Variants in NCAPG2 observed in about 807,000 individuals in gnomAD.
The protein encoded by NCAPG2 is non-SMC condensin II complex subunit G2, also known as condensin-2 complex subunit G2.
In NCAPG2, 53 loss-of-function variants were observed where a neutral mutation model predicts 141.1. The observed-to-expected ratio is 0.38, with a 90% CI of 0.30 to 0.47. The LOEUF is 0.47. NCAPG2 is among the 20% of genes least tolerant of loss of function. NCAPG2 has a pLI of 0.99. For synonymous variants in NCAPG2, 499 were observed against 490.7 expected, an observed-to-expected ratio of 1.02 and a Z score of -0.22; for missense variants, 1,087 against 1,389.0, an observed-to-expected ratio of 0.78 and a Z score of 3.46.
chr7:158,646,499 C>G lies in NCAPG2; in HGVS notation c.3140G>C (p.Cys1047Ser), dbSNP rs759400197. The change falls in exon 25 of 28, where the codon TGT becomes TCT. Residue 1047 changes from cysteine (C) to serine (S), a missense_variant. By Grantham distance (112) the Cys-to-Ser change is moderately radical. Coordinates refer to ENST00000356309, the MANE Select transcript of NCAPG2 (RefSeq NM_017760.7). ...AGACTTTATTATTATTCCTATTAAA[C>G]ACCTTGAAAATGGTGGAAGATCAGA... ...HLSDLPPFSR[C>S]LIGIIIKSSN... The G allele has an allele frequency of 1.9e-6, 3 of 1,591,522 alleles. No individual in the cohort carries two copies. In the South Asian group the frequency reaches 3.5e-5, roughly 18 times the overall value.
At position 158,690,595 on chromosome 7, in the gene NCAPG2, T is replaced by C. The variant is rs1198051034; in HGVS notation, c.510A>G (p.Leu170=). 1 of 1,614,180 alleles carries C rather than the reference T, an allele frequency of 6.2e-7. No individual in the cohort carries two copies. The highest frequency in any genetic ancestry group is 2.2e-5 in the East Asian group (1 of 44,878). The change falls in exon 5 of 28, where the codon TTA becomes TTG. Residue 170 remains leucine, a synonymous_variant. Coordinates refer to ENST00000356309, the MANE Select transcript of NCAPG2 (RefSeq NM_017760.7). ...EDTGKTAFVM[L]LRRSLETKTG... ...TCTTAGTCTCCAGACTCCTCCTTAG[T>C]AACATGACAAAGGCTGTCTTTCCTG...
At chr7:158,695,527 A>G (rs1452434846) in intron 2 of NCAPG2, among the ~76,000 whole-genome samples, 1 of 152,208 alleles carries the variant, frequency 6.6e-6, no homozygotes, top group East Asian at 1.9e-4. Context: ...TGAGACACAC[A>G]CCCAGCTTCA....
In NCAPG2 at chr7:158,689,966, C is replaced by A; in HGVS notation, c.538-13G>T. On this transcript the variant is annotated splice_polypyrimidine_tract_variant and intron_variant, in intron 5 of 27. Transcript: ENST00000356309. ...ATACGTCTGCACCCTAGGAATGACA[C>A]AAAAAATGTGATACCTTTTTCAATG... 2 of 1,479,908 alleles carry A rather than the reference C, an allele frequency of 1.4e-6. No individual in the cohort carries two copies. The highest frequency in any genetic ancestry group is 2.9e-5 in the African/African-American group (2 of 69,064). The allele number at this position is 1,479,908 out of a possible 1,614,324, so 91.7% of individuals were successfully genotyped here.
chr7:158,662,723 C>T (rs1365498310), intron 15 of NCAPG2, among the ~76,000 whole-genome samples: 1 of 152,148 alleles, frequency 6.6e-6, no homozygotes, highest in African/African-American at 2.4e-5. Flanking sequence ...CATCACTTTT[C>T]ACCACAAATC....
rs767486697 is a variant in NCAPG2, at chr7:158,644,402, A to T, written c.3281-14T>A. 1.7e-5 allele frequency: 27 copies of T among 1,596,338 alleles called. No individual in the cohort carries two copies. Among genetic ancestry groups the T allele is most frequent in the Admixed American group, 5.0e-5 (3 of 59,982 alleles). ...TTTTATGTTTACCTGGGAAAATTAT[A>T]TTAAAAGACAGAAAAGACTTTAACA... On this transcript the variant is annotated splice_polypyrimidine_tract_variant and intron_variant, in intron 26 of 27. Coordinates refer to ENST00000356309, the MANE Select transcript of NCAPG2 (RefSeq NM_017760.7).
Position 158,646,573 on chromosome 7 carries a change from T to C in NCAPG2, c.3076-10A>G. ...CTTCTACGTCAGAAACCTAAAAAAG[T>C]TCCAAATCAGCAAGTTGTAAACAGA... On this transcript the variant is annotated splice_polypyrimidine_tract_variant and intron_variant, in intron 24 of 27. Transcript: ENST00000356309. 1 of 1,556,970 alleles carries C rather than the reference T, an allele frequency of 6.4e-7. No homozygotes were observed. Among genetic ancestry groups the C allele is most frequent in the Non-Finnish European group, 8.6e-7 (1 of 1,157,020 alleles).
chr7:158,666,511 C>T (rs1289084527), intron 13 of NCAPG2, among the ~76,000 whole-genome samples: 2 of 151,736 alleles, frequency 1.3e-5, no homozygotes, highest in Non-Finnish European at 2.9e-5. Flanking sequence ...AGGTAAGAAG[C>T]AGGCTTAGAG....
At chr7:158,700,362 A>G (rs546150212) in intron 2 of NCAPG2, among the ~76,000 whole-genome samples, 1 of 152,170 alleles carries the variant, frequency 6.6e-6, no homozygotes, top group Admixed American at 6.5e-5. Flanking sequence ...GAAACAACGC[A>G]CCCCAGAAGG....
chr7:158,657,624 G>A (rs962329630), intron 17 of NCAPG2, among the ~76,000 whole-genome samples: 3 of 152,206 alleles, frequency 2.0e-5, no homozygotes, highest in Non-Finnish European at 4.4e-5. Context: ...GAGCCCCTCT[G>A]CCTGGCCACC....
intron 1 of NCAPG2, chr7:158,702,489 G>C (rs1458740406): frequency 6.6e-6 from 1 of 152,250 alleles, no homozygotes; most frequent in Non-Finnish European, 1.5e-5. Flanking sequence ...CCACCCCTTC[G>C]GGATAATGAG....
intron 27 of NCAPG2, chr7:158,640,052 C>CAAAAAAAAAAAAAAAAAAAAAAAAA (rs58368997): frequency 1.0e-5 from 1 of 98,324 alleles, no homozygotes; most frequent in African/African-American, 3.9e-5. Context: ...GAATAAATGC[C>CAAAAAAAAAAAAAAAAAAAAAAAAA]AAAAAAAAAA....
Position 158,681,987 on chromosome 7 carries a change from C to A in NCAPG2, c.925-1171G>T, listed in dbSNP as rs536392393. ...AAATAAAAACAATTTGAGGAAGAAA[C>A]TATAATGTGTTATAAGTTGTGACAA... On this transcript the variant is annotated intron_variant, in intron 9 of 27. Coordinates refer to ENST00000356309, the MANE Select transcript of NCAPG2 (RefSeq NM_017760.7). 5.3e-5 allele frequency among the ~76,000 whole-genome samples: 8 copies of A among 152,200 alleles called. No individual in the cohort carries two copies. The East Asian group carries it at 1.5e-3, about 29-fold the overall frequency.
intron 2 of NCAPG2, among the ~76,000 whole-genome samples, chr7:158,698,146 T>C (rs1208915520): frequency 6.6e-6 from 1 of 152,222 alleles, no homozygotes; most frequent in Non-Finnish European, 1.5e-5. Flanking sequence ...AGATTTTTTG[T>C]AAAGCAAAAT....
chr7:158,687,268 A>C, intron 7 of NCAPG2, 80 bp downstream of exon 7: 1 of 917,248 alleles, frequency 1.1e-6, no homozygotes, highest in Non-Finnish European at 1.7e-6. Context: ...CCATTACTAT[A>C]ACTTAAGAAG....
At chr7:158,658,431 A>C in intron 16 of NCAPG2, 23 bp from the exon 17 acceptor site, 1 of 1,587,090 alleles carries the variant, frequency 6.3e-7, no homozygotes, top group Non-Finnish European at 8.6e-7. Context: ...AAAGAAAAAC[A>C]AAACAAAGCA....
intron 11 of NCAPG2, among the ~76,000 whole-genome samples, chr7:158,677,241 AAAG>A (rs1396449397): frequency 6.6e-6 from 1 of 152,186 alleles, no homozygotes; most frequent in Non-Finnish European, 1.5e-5. Context: ...CAGAAAAGCA[AAAG>A]AAGGAAGAGC....
intron 16 of NCAPG2, among the ~76,000 whole-genome samples, chr7:158,659,442 G>T (rs1832304893): frequency 1.5e-5 from 2 of 130,086 alleles, no homozygotes; most frequent in South Asian, 4.5e-4. Context: ...GAGGAGAGGA[G>T]TTAAGCTCTC....
chr7:158,671,419 C>T lies in NCAPG2; in HGVS notation c.1479+95G>A, dbSNP rs1434910657. 3.6e-5 allele frequency: 50 copies of T among 1,405,382 alleles called. 1 individual carries two copies. The Admixed American group carries it at 8.1e-4, about 23-fold the overall frequency. The allele number at this position is 1,405,382 out of a possible 1,614,324, so 87.1% of individuals were successfully genotyped here. A position where few individuals can be genotyped will look rare whatever the true frequency, so the allele number is the denominator to read the frequency against. On this transcript the variant is annotated intron_variant, in intron 13 of 27. Transcript: ENST00000356309. ...TAACTGGTCAAATCATATCAGTTAT[C>T]AGTTTAAAATGTGGAATTAAAACTA...
rs201601970 is a variant in NCAPG2, at chr7:158,678,110, A to T, written c.1146+1850T>A. Among the ~76,000 whole-genome samples the T allele has an allele frequency of 0.026, 80 of 3,100 alleles. No homozygotes were observed. The East Asian group carries it at 0.47, about 18-fold the overall frequency. 2.0% of individuals were successfully genotyped at this position (3,100 alleles called of 152,430 possible). ...CTGCACCTAGACCCTTTTTTATTTT[A>T]AAAAAAAAAAAAAGGTTCTCCATAT... On this transcript the variant is annotated intron_variant, in intron 11 of 27. Coordinates refer to ENST00000356309, the MANE Select transcript of NCAPG2 (RefSeq NM_017760.7).
Sources: allele counts gnomAD v4.1 joint callset (sites outside exome capture counted in the v4.1 genomes callset), GRCh38; gene constraint gnomAD v4.1.1; transcripts MANE v1.5; gene names NCBI Gene and HGNC (gene_info 2026-07-23, HGNC 2026-07-21).